Variants in ARHGAP22 observed in about 807,000 individuals in gnomAD.
The protein encoded by ARHGAP22 is rho GTPase-activating protein 22.
A neutral mutation model predicts 59.1 loss-of-function variants in ARHGAP22; 48 were observed. The ratio of observed to expected loss-of-function variants is 0.81; its 90% CI spans 0.64 to 1.03. ARHGAP22 has a LOEUF of 1.03. ARHGAP22 is among the 50% of genes least tolerant of loss of function. The probability of loss-of-function intolerance (pLI) is 0.00; values close to 1 mark genes in which losing one functional copy is unlikely to be tolerated. For missense variants in ARHGAP22, 1,015 were observed against 958.7 expected (o/e 1.06, Z -0.78); for synonymous variants, 445 against 416.4 (o/e 1.07, Z -0.84).
exon 1 of ARHGAP22, chr10:48,652,371 G>T: frequency 8.6e-7 from 1 of 1,158,030 alleles, no homozygotes; most frequent in Non-Finnish European, 1.2e-6. Flanking sequence ...GCTAATTCCT[G>T]TTTTCCAGTA....
At chr10:48,605,099 C>T (rs2060610651), upstream of ARHGAP22, 2 of 1,295,634 alleles carry the variant, frequency 1.5e-6, no homozygotes, top group African/African-American at 1.5e-5. Flanking sequence ...AGTCCCTCCG[C>T]CTGGCCTGGG....
chr10:48,441,538 G>A (rs1033383548), downstream of ARHGAP22, among the ~76,000 whole-genome samples: 173 of 148,264 alleles, frequency 1.2e-3, no homozygotes, highest in African/African-American at 4.0e-3. Flanking sequence ...TGCAAACTCC[G>A]CCTCCCAGGT....
intron 1 of ARHGAP22, among the ~76,000 whole-genome samples, chr10:48,616,633 G>C (rs1269711113): frequency 6.6e-6 from 1 of 152,098 alleles, no homozygotes; most frequent in African/African-American, 2.4e-5. Context: ...AAGATTAGCA[G>C]CTAATTTCTT....
chr10:48,612,365 C>T (rs1564998822), intron 1 of ARHGAP22, among the ~76,000 whole-genome samples: 2 of 152,206 alleles, frequency 1.3e-5, no homozygotes, highest in South Asian at 4.1e-4. Context: ...TGGATCTGCT[C>T]TATATCTGGC....
intron 1 of ARHGAP22, among the ~76,000 whole-genome samples, chr10:48,583,820 C>G (rs73300277): frequency 0.076 from 11,601 of 152,208 alleles, 480 homozygotes; most frequent in Middle Eastern, 0.11. Context: ...GTTTGCTGTG[C>G]CTTGTTGGTG....
intron 3 of ARHGAP22, among the ~76,000 whole-genome samples, chr10:48,515,888 C>T (rs991354390): frequency 3.3e-5 from 5 of 151,986 alleles, no homozygotes; most frequent in South Asian, 2.1e-4. Flanking sequence ...TGAGTTGGGA[C>T]GTGTAGTCCC....
At chr10:48,654,448 A>G (rs1002160028), upstream of ARHGAP22, among the ~76,000 whole-genome samples, 2 of 152,094 alleles carry the variant, frequency 1.3e-5, no homozygotes, top group Admixed American at 6.5e-5. Flanking sequence ...TCCCTGAACC[A>G]CCCAAACCAA....
chr10:48,639,588 C>T (rs2061959625), intron 1 of ARHGAP22, among the ~76,000 whole-genome samples: 1 of 152,226 alleles, frequency 6.6e-6, no homozygotes, highest in Non-Finnish European at 1.5e-5. Flanking sequence ...ACAAGAGTGA[C>T]CCCTAGGAAG....
At chr10:48,502,887 CCAA>C (rs1377180193) in intron 3 of ARHGAP22, among the ~76,000 whole-genome samples, 1 of 152,226 alleles carries the variant, frequency 6.6e-6, no homozygotes, top group Non-Finnish European at 1.5e-5. Context: ...CAGGCATTAA[CCAA>C]CATCATCAAC....
chr10:48,558,532 T>C (rs2057470075), intron 2 of ARHGAP22, among the ~76,000 whole-genome samples: 1 of 152,068 alleles, frequency 6.6e-6, no homozygotes, highest in African/African-American at 2.4e-5. Context: ...TAATTTTTGC[T>C]ATTTTTTAAT....
chr10:48,475,961 G>A (rs2048683189), intron 4 of ARHGAP22, among the ~76,000 whole-genome samples: 1 of 152,146 alleles, frequency 6.6e-6, no homozygotes, highest in Admixed American at 6.5e-5. Flanking sequence ...CCCTACCTCT[G>A]CCTGTGCTGT....
intron 3 of ARHGAP22, 135 bp from the exon 4 acceptor site, chr10:48,479,899 C>G (rs961706254): frequency 1.2e-6 from 1 of 854,250 alleles, no homozygotes; most frequent in Non-Finnish European, 1.7e-6. Flanking sequence ...TTGCTTTTAT[C>G]TCACAGTCCA....
intron 3 of ARHGAP22, among the ~76,000 whole-genome samples, chr10:48,495,965 G>T (rs536680002): frequency 6.6e-6 from 1 of 152,112 alleles, no homozygotes; most frequent in Non-Finnish European, 1.5e-5. Context: ...ACAAATAGCC[G>T]TGTGATTCAG....
intron 1 of ARHGAP22, among the ~76,000 whole-genome samples, chr10:48,594,983 G>A (rs537933472): frequency 6.7e-6 from 1 of 149,916 alleles, no homozygotes; most frequent in East Asian, 2.0e-4. Flanking sequence ...GATCCCCACT[G>A]AACATATTCA....
At chr10:48,583,858 A>T (rs558107549) in intron 1 of ARHGAP22, among the ~76,000 whole-genome samples, 1 of 151,880 alleles carries the variant, frequency 6.6e-6, no homozygotes, top group Non-Finnish European at 1.5e-5. Context: ...AGGGGCCAGC[A>T]CTCCTACCCC....
At chr10:48,631,754 AGTTACCT>A (rs1436770498) in intron 1 of ARHGAP22, among the ~76,000 whole-genome samples, 2 of 152,186 alleles carry the variant, frequency 1.3e-5, no homozygotes, top group Non-Finnish European at 2.9e-5. Flanking sequence ...TTGGACAAAC[AGTTACCT>A]GTTAGATCCA....
chr10:48,526,566 C>A (rs1322666772), intron 3 of ARHGAP22, among the ~76,000 whole-genome samples: 3 of 152,106 alleles, frequency 2.0e-5, no homozygotes, highest in African/African-American at 7.2e-5. Flanking sequence ...TTAATGAGGC[C>A]CCAGGAATTC....
At position 48,446,246 on chromosome 10, in the gene ARHGAP22, C is replaced by G; in HGVS notation, c.*145G>C. On this transcript the variant is annotated 3_prime_UTR_variant, in exon 10 of 10. Transcript: ENST00000249601. Reference sequence around the variant, plus strand: ...GGAGTGTGTGGGGTCCCAAAAGTCCCCACAGTCCCCACAGAGGTATCAGGA... The same window carrying G: ...GGAGTGTGTGGGGTCCCAAAAGTCCGCACAGTCCCCACAGAGGTATCAGGA... 1 of 837,664 alleles carries G rather than the reference C, an allele frequency of 1.2e-6. No individual in the cohort carries two copies. Among genetic ancestry groups the G allele is most frequent in the Non-Finnish European group, 1.8e-6 (1 of 547,714 alleles). 51.9% of individuals were successfully genotyped at this position (837,664 alleles called of 1,614,324 possible).
chr10:48,614,375 C>G (rs996950974), intron 1 of ARHGAP22, among the ~76,000 whole-genome samples: 1 of 152,096 alleles, frequency 6.6e-6, no homozygotes, highest in African/African-American at 2.4e-5. Context: ...AGTAGGGTGC[C>G]AAACTGAAGT....
Sources: gnomAD v4.1 joint callset for allele counts (sites outside exome capture counted in the v4.1 genomes callset) on GRCh38, gnomAD v4.1.1 for gene constraint, MANE v1.5 for transcripts, NCBI Gene and HGNC (gene_info 2026-07-23, HGNC 2026-07-21) for gene names.